CERS6: variants seen among roughly 807,000 people sequenced by gnomAD.
The protein encoded by CERS6 is LAG1 homolog, ceramide synthase 6.
CERS6 carries 26 observed loss-of-function variants against 56.8 expected under a neutral mutation model. The observed-to-expected ratio is 0.46, with a 90% confidence interval of 0.34 to 0.63. The LOEUF is 0.63. Ranked by LOEUF, CERS6 falls within the 30% of genes least tolerant of loss-of-function variation. The pLI is 0.01. For missense variants in CERS6, 415 were observed against 467.5 expected, an observed-to-expected ratio of 0.89 and a Z score of 1.04; for synonymous variants, 164 against 173.3, an observed-to-expected ratio of 0.95 and a Z score of 0.42.
intron 8 of CERS6, among the ~76,000 whole-genome samples, chr2:168,752,861 C>T (rs1201841571): frequency 6.6e-6 from 1 of 152,042 alleles, no homozygotes; most frequent in Non-Finnish European, 1.5e-5. Context: ...CTTACTTTTT[C>T]CCATACATCT....
Position 168,559,733 on chromosome 2 carries a change from TCATATATA to T in CERS6, c.277-1458_277-1451del, listed in dbSNP as rs1281318005. Among the ~76,000 whole-genome samples the T allele has an allele frequency of 8.4e-3, 560 of 66,282 alleles. 96 individuals are homozygous for T. The highest frequency in any genetic ancestry group is 0.064 in the Middle Eastern group (6 of 94). 43.5% of individuals were successfully genotyped at this position (66,282 alleles called of 152,430 possible). On this transcript the variant is annotated intron_variant, in intron 2 of 9. Transcript: ENST00000305747. ...TGCTTGAGCTGCTTTTAGAAAGGTATCATATATATATATATATATATTTCACCCTTATT... is the reference window on the plus strand; with the variant it reads ...TGCTTGAGCTGCTTTTAGAAAGGTATTATATATATATATTTCACCCTTATT...
intron 4 of CERS6, among the ~76,000 whole-genome samples, chr2:168,657,492 G>A (rs1410995008): frequency 6.6e-6 from 1 of 152,274 alleles, no homozygotes; most frequent in Non-Finnish European, 1.5e-5. Context: ...AGCAGGGGGT[G>A]GAGCTCGTCG....
At chr2:168,593,619 C>G (rs1683727805) in intron 3 of CERS6, among the ~76,000 whole-genome samples, 2 of 152,178 alleles carry the variant, frequency 1.3e-5, no homozygotes, top group South Asian at 4.1e-4. Context: ...AGCCCATTCT[C>G]TGTCACTTGT....
intron 1 of CERS6, among the ~76,000 whole-genome samples, chr2:168,460,455 C>G (rs549019454): frequency 1.3e-5 from 2 of 152,084 alleles, no homozygotes; most frequent in Non-Finnish European, 2.9e-5. Context: ...CCTTGGCCTC[C>G]CAAAGTGCTG....
intron 4 of CERS6, among the ~76,000 whole-genome samples, chr2:168,667,228 G>A (rs956527181): frequency 6.6e-6 from 1 of 152,212 alleles, no homozygotes; most frequent in Non-Finnish European, 1.5e-5. Context: ...CTTTAAGCAG[G>A]AAAACCCCAG....
chr2:168,575,576 C>A (rs1486449285), intron 3 of CERS6, among the ~76,000 whole-genome samples: 1 of 152,052 alleles, frequency 6.6e-6, no homozygotes, highest in Non-Finnish European at 1.5e-5. Context: ...TGGGTGGGGA[C>A]ACAGAGCCAA....
At chr2:168,486,844 G>A (rs1694285588) in intron 1 of CERS6, among the ~76,000 whole-genome samples, 1 of 152,106 alleles carries the variant, frequency 6.6e-6, no homozygotes, top group South Asian at 2.1e-4. Context: ...GTGAAAGGAA[G>A]GACCAGCATT....
At chr2:168,535,127 A>G (rs1695236856) in intron 1 of CERS6, among the ~76,000 whole-genome samples, 2 of 152,210 alleles carry the variant, frequency 1.3e-5, no homozygotes, top group South Asian at 4.1e-4. Flanking sequence ...TCTCCTGCCC[A>G]GGGAGCTTAG....
intron 6 of CERS6, among the ~76,000 whole-genome samples, chr2:168,707,584 T>G (rs1486706572): frequency 6.6e-6 from 1 of 152,180 alleles, no homozygotes; most frequent in African/African-American, 2.4e-5. Context: ...ATGGTCCGTT[T>G]AACCAGCTCT....
At chr2:168,706,496 C>A (rs1280108612) in intron 6 of CERS6, among the ~76,000 whole-genome samples, 4 of 152,156 alleles carry the variant, frequency 2.6e-5, no homozygotes, top group African/African-American at 4.8e-5. Flanking sequence ...AATGGCACAT[C>A]TAGCAGTAGA....
At chr2:168,635,037 G>A (rs918783436) in intron 4 of CERS6, among the ~76,000 whole-genome samples, 1 of 152,184 alleles carries the variant, frequency 6.6e-6, no homozygotes, top group Non-Finnish European at 1.5e-5. Context: ...TGAAAACAGT[G>A]TGCTTAGTGA....
chr2:168,760,882 C>A (rs924235435), intron 8 of CERS6, among the ~76,000 whole-genome samples: 67 of 152,010 alleles, frequency 4.4e-4, no homozygotes, highest in African/African-American at 1.6e-3. Context: ...CAGCCTCCCG[C>A]GTAGCTGGGA....
chr2:168,618,976 A>G (rs890771990), intron 3 of CERS6, among the ~76,000 whole-genome samples: 1 of 152,202 alleles, frequency 6.6e-6, no homozygotes, highest in Non-Finnish European at 1.5e-5. Flanking sequence ...CTATAAGGCC[A>G]TAGTCACCAA....
chr2:168,582,685 T>C (rs983185223), intron 3 of CERS6, among the ~76,000 whole-genome samples: 8 of 152,204 alleles, frequency 5.3e-5, no homozygotes, highest in Non-Finnish European at 2.9e-5. Context: ...TATTTTAATA[T>C]TGATGTGAAG....
intron 1 of CERS6, among the ~76,000 whole-genome samples, chr2:168,494,389 T>G (rs1256905869): frequency 2.0e-5 from 3 of 152,176 alleles, no homozygotes; most frequent in Non-Finnish European, 2.9e-5. Flanking sequence ...AGTTAACCTT[T>G]CTGTGCTTCA....
intron 7 of CERS6, 66 bp from the exon 8 acceptor site, chr2:168,717,806 A>G (rs1406012945): frequency 1.8e-6 from 2 of 1,139,462 alleles, no homozygotes; most frequent in African/African-American, 1.5e-5. Flanking sequence ...AGATTCATGC[A>G]TATTGAAAGA....
At chr2:168,462,708 T>TG (rs1254789836) in intron 1 of CERS6, among the ~76,000 whole-genome samples, 3 of 152,068 alleles carry the variant, frequency 2.0e-5, no homozygotes, top group Admixed American at 6.6e-5. Flanking sequence ...GGCTAATTTT[T>TG]AATTTTTTTT....
At chr2:168,518,892 G>A (rs1474487905) in intron 1 of CERS6, among the ~76,000 whole-genome samples, 1 of 152,090 alleles carries the variant, frequency 6.6e-6, no homozygotes, top group African/African-American at 2.4e-5. Context: ...TCTCTCCCAA[G>A]TGTCTTTGTT....
rs371532006 is a variant in CERS6 at position 168,739,581 on chromosome 2, A to G, written c.845+21603A>G. 7.2e-5 allele frequency among the ~76,000 whole-genome samples: 11 copies of G among 152,278 alleles called. 1 individual carries two copies. The highest frequency in any genetic ancestry group is 2.6e-4 in the African/African-American group (11 of 41,558). On this transcript the variant is annotated intron_variant, in intron 8 of 9. Transcript: ENST00000305747. ...TCCCTATTTCAAGTGAGTTAAGAGG[A>G]GTGGCAGATGGAGTCTCCCGCGTTA...
Sources: allele counts gnomAD v4.1 joint callset (sites outside exome capture counted in the v4.1 genomes callset), GRCh38; gene constraint gnomAD v4.1.1; transcripts MANE v1.5; gene names NCBI Gene and HGNC (gene_info 2026-07-23, HGNC 2026-07-21).